NHLRC3: variants seen among roughly 807,000 people sequenced by gnomAD.
NHLRC3 encodes NHL repeat containing 3.
Under a neutral mutation model 32.0 loss-of-function variants are expected in NHLRC3, and 23 were observed. The observed-to-expected ratio is 0.72, with a 90% confidence interval of 0.52 to 1.02. The LOEUF (loss-of-function observed/expected upper bound fraction) is 1.02, where lower values mean the gene tolerates loss of function less well. NHLRC3 is among the 50% of genes least tolerant of loss of function. The pLI is 0.00. For synonymous variants in NHLRC3, 159 were observed against 147.9 expected, an observed-to-expected ratio of 1.08 and a Z score of -0.55; for missense variants, 407 against 406.8, an observed-to-expected ratio of 1.00 and a Z score of -0.01.
rs917511020 is a variant in NHLRC3 at position 39,046,053 on chromosome 13, G to C, written c.679-987G>C. On this transcript the variant is annotated intron_variant, in intron 5 of 6. Transcript: ENST00000379600. ...AGTCATCAAAAACCATTTCCTGCCG[G>C]GTGCGGTGGCTCACGCTTGTAATCC... Among the ~76,000 whole-genome samples the C allele has an allele frequency of 1.1e-4, 17 of 152,256 alleles. 1 individual carries two copies. Among genetic ancestry groups the C allele is most frequent in the Admixed American group, 9.1e-4 (14 of 15,302 alleles).
intron 5 of NHLRC3, 48 bp downstream of exon 5, chr13:39,044,229 TTGTGTGTGTGTGTG>T (rs370553701): frequency 1.6e-5 from 14 of 859,150 alleles, no homozygotes; most frequent in Middle Eastern, 2.4e-4. Flanking sequence ...CTGAATATGT[TTGTGTGTGTGTGTG>T]TGTGTGTGTG....
intron 4 of NHLRC3, among the ~76,000 whole-genome samples, chr13:39,042,595 C>T (rs888968511): frequency 6.6e-6 from 1 of 152,166 alleles, no homozygotes; most frequent in Admixed American, 6.5e-5. Context: ...TTTAATTAAG[C>T]ATGTAGAAAT....
Position 39,039,222 on chromosome 13 carries a change from A to G in NHLRC3, c.171A>G (p.Glu57=), listed in dbSNP as rs2138148700. The change falls in exon 2 of 7, where the codon GAA becomes GAG. Residue 57 remains glutamate, a synonymous_variant. Transcript: ENST00000379600. ...RLDVGWPKHP[E]YFTGTTFCVA... is the part of the protein sequence containing the mutation. ...ATGTGGGTTGGCCTAAGCACCCAGA[A>G]TATTTTACCGGAACAACATTTTGTG... 2 of 1,614,064 alleles carry G rather than the reference A, an allele frequency of 1.2e-6. No homozygotes were observed. The highest frequency in any genetic ancestry group is 4.5e-5 in the East Asian group (2 of 44,878).
In NHLRC3 at chr13:39,049,897, T is replaced by TA. The variant is rs1248709086; in HGVS notation, c.*1975dup. The TA allele has an allele frequency of 6.6e-6, 1 of 152,264 alleles. No individual in the cohort carries two copies. Among genetic ancestry groups the TA allele is most frequent in the Non-Finnish European group, 1.5e-5 (1 of 68,044 alleles). The allele number at this position is 152,264 out of a possible 1,614,324, so 9.4% of individuals were successfully genotyped here. A position where few individuals can be genotyped will look rare whatever the true frequency, so the allele number is the denominator to read the frequency against. On this transcript the variant is annotated 3_prime_UTR_variant, in exon 7 of 7. Transcript: ENST00000379600. ...TACTTTGTTTTATATCAGAGTCTTA[T>TA]AAAACCTGCTGCAAATATTTCTGAA...
intron 1 of NHLRC3, 21 bp downstream of exon 1, chr13:39,038,744 A>G: frequency 6.3e-7 from 1 of 1,596,278 alleles, no homozygotes; most frequent in Non-Finnish European, 8.6e-7. Flanking sequence ...TAGTGAGGAA[A>G]TGACTGTCGG....
In NHLRC3 at chr13:39,050,041, T is replaced by C. The variant is rs2138161244; in HGVS notation, c.*2115T>C. 1 of 152,356 alleles carries C rather than the reference T, an allele frequency of 6.6e-6. No homozygotes were observed. The highest frequency in any genetic ancestry group is 1.5e-5 in the Non-Finnish European group (1 of 68,034). The allele number at this position is 152,356 out of a possible 1,614,324, so 9.4% of individuals were successfully genotyped here. ...ATGTTTTTTACTAAAAAGTATAAAT[T>C]AAAATTTTGGAAAGAAAAGGCAATA... On this transcript the variant is annotated 3_prime_UTR_variant, in exon 7 of 7. Coordinates refer to ENST00000379600, the MANE Select transcript of NHLRC3 (RefSeq NM_001012754.4).
intron 5 of NHLRC3, 39 bp from the exon 6 acceptor site, chr13:39,047,001 A>G (rs1346589341): frequency 7.4e-6 from 9 of 1,210,888 alleles, no homozygotes; most frequent in Non-Finnish European, 1.1e-5. Context: ...TTTTCTTCTC[A>G]TGGATATTTT....
chr13:39,039,509 C>G (rs1871366794), intron 2 of NHLRC3, 55 bp from the exon 3 acceptor site: 1 of 1,441,666 alleles, frequency 6.9e-7, no homozygotes, highest in African/African-American at 1.4e-5. Flanking sequence ...CGCCAAGATA[C>G]AGATTACCTT....
Position 39,038,524 on chromosome 13 carries a change from G to T in NHLRC3, c.-116G>T. On this transcript the variant is annotated 5_prime_UTR_variant, in exon 1 of 7. The change creates a new upstream start codon in the 5' untranslated region. Transcript: ENST00000379600. Reference sequence around the variant, plus strand: ...ATCCAGGGAGGGGAAACCGGAGATAGGGTCTTCGGGCCCCGGGCAGACCCT... The same window carrying T: ...ATCCAGGGAGGGGAAACCGGAGATATGGTCTTCGGGCCCCGGGCAGACCCT... The T allele has an allele frequency of 1.2e-6, 1 of 816,644 alleles. No homozygotes were observed. Among genetic ancestry groups the T allele is most frequent in the South Asian group, 1.4e-5 (1 of 71,052 alleles). 50.6% of individuals were successfully genotyped at this position (816,644 alleles called of 1,614,324 possible). A position where few individuals can be genotyped will look rare whatever the true frequency, so the allele number is the denominator to read the frequency against.
At position 39,044,189 on chromosome 13, in the gene NHLRC3, T is replaced by TA. The variant is rs763859672; in HGVS notation, c.678+9dup. 5.7e-6 allele frequency: 9 copies of TA among 1,576,050 alleles called. No individual in the cohort carries two copies. The highest frequency in any genetic ancestry group is 7.9e-6 in the Non-Finnish European group (9 of 1,145,594). ...CTTGATTCAGCTGGTCGGGTACAAA[T>TA]ACAGCGTCATTGTGTCTGGGACTTT... is the stretch of plus-strand genomic sequence containing the variant. On this transcript the variant is annotated intron_variant, in intron 5 of 6. Coordinates refer to ENST00000379600, the MANE Select transcript of NHLRC3 (RefSeq NM_001012754.4).
Position 39,042,201 on chromosome 13 carries a change from T to C in NHLRC3, c.482T>C (p.Leu161Ser). The C allele has an allele frequency of 6.2e-7, 1 of 1,611,022 alleles. No individual in the cohort carries two copies. Among genetic ancestry groups the C allele is most frequent in the Non-Finnish European group, 8.5e-7 (1 of 1,177,258 alleles). Residue 161 changes from leucine (L) to serine (S), a missense_variant, in exon 4 of 7, where the codon TTG (leucine) becomes TCG (serine). By Grantham distance (145) the Leu-to-Ser change is moderately radical (BLOSUM62 -2). Coordinates refer to ENST00000379600, the MANE Select transcript of NHLRC3 (RefSeq NM_001012754.4). ...PGKKGTSLNPLQFDNPAELYV... is the reference protein window; with the variant it reads ...PGKKGTSLNPSQFDNPAELYV... ...AAAAAAGGCACTAGTTTGAATCCTT[T>C]GCAGTTTGATAACCCAGCAGAATTA...
rs892349264 is a variant in NHLRC3, at chr13:39,038,732, G to C, written c.84+9G>C. On this transcript the variant is annotated intron_variant, in intron 1 of 6. Transcript: ENST00000379600. Reference sequence around the variant, plus strand: ...GTTTTTGTGGCTCTCCAGTGAGTTGGGTAGTGAGGAAATGACTGTCGGGTG... The same window carrying C: ...GTTTTTGTGGCTCTCCAGTGAGTTGCGTAGTGAGGAAATGACTGTCGGGTG... 1 of 1,610,012 alleles carries C rather than the reference G, an allele frequency of 6.2e-7. No individual in the cohort carries two copies. Among genetic ancestry groups the C allele is most frequent in the Admixed American group, 1.7e-5 (1 of 59,994 alleles).
chr13:39,047,178 T>C, intron 6 of NHLRC3, 26 bp downstream of exon 6: 1 of 1,378,446 alleles, frequency 7.3e-7, no homozygotes, highest in Non-Finnish European at 1.0e-6. Flanking sequence ...TATTGCAAAA[T>C]GCTTGTTTTA....
rs1566033776 is a variant in NHLRC3, at chr13:39,044,147, T to TA, written c.645dup (p.Pro216ThrfsTer7). The TA allele has an allele frequency of 1.2e-6, 2 of 1,613,550 alleles. No homozygotes were observed. The highest frequency in any genetic ancestry group is 2.2e-5 in the South Asian group (2 of 91,064). ...GGGACAGGGCCTGCTAAGTTCAACA[T>TA]ACCTCACAGTGTTACACTTGATTCA... On this transcript the variant is annotated frameshift_variant, in exon 5 of 7. Coordinates refer to ENST00000379600, the MANE Select transcript of NHLRC3 (RefSeq NM_001012754.4). LOFTEE classifies it high-confidence loss of function.
At position 39,039,136 on chromosome 13, in the gene NHLRC3, G is replaced by A; in HGVS notation, c.85G>A (p.Val29Ile). 3 of 1,563,720 alleles carry A rather than the reference G, an allele frequency of 1.9e-6. No homozygotes were observed. The highest frequency in any genetic ancestry group is 2.6e-6 in the Non-Finnish European group (3 of 1,148,370). Reference sequence around the variant, plus strand: ...TCTGAATTGTCTGATTTTGTTTAAGGTTTTGAGGAACTTTACTTTTGCAGT... The same window carrying A: ...TCTGAATTGTCTGATTTTGTTTAAGATTTTGAGGAACTTTACTTTTGCAGT... ...VLHSRFCGSP[V>I]LRNFTFAVSW... is the part of the protein sequence containing the mutation. The change falls in exon 2 of 7, where the codon GTT (valine) becomes ATT (isoleucine). Residue 29 changes from valine (V) to isoleucine (I), a missense_variant and splice_region_variant. Physicochemically the swap from Val to Ile is conservative, Grantham distance 29 (BLOSUM62 3). Transcript: ENST00000379600.
rs1871751725 is a variant in NHLRC3, at chr13:39,047,935, T to C, written c.*9T>C. On this transcript the variant is annotated 3_prime_UTR_variant, in exon 7 of 7. Coordinates refer to ENST00000379600, the MANE Select transcript of NHLRC3 (RefSeq NM_001012754.4). Reference sequence around the variant, plus strand: ...CTTCATTTGGTTCATAATGTTTCTTTCCTGGGAATATTTCAAGTGGCAGTT... The same window carrying C: ...CTTCATTTGGTTCATAATGTTTCTTCCCTGGGAATATTTCAAGTGGCAGTT... 6.3e-7 allele frequency: 1 copy of C among 1,586,524 alleles called. No individual in the cohort carries two copies. The highest frequency in any genetic ancestry group is 8.6e-7 in the Non-Finnish European group (1 of 1,158,688).
chr13:39,049,135 C>A lies in NHLRC3; in HGVS notation c.*1209C>A, dbSNP rs2138160252. 6.6e-6 allele frequency: 1 copy of A among 152,416 alleles called. No individual in the cohort carries two copies. The highest frequency in any genetic ancestry group is 2.1e-4 in the South Asian group (1 of 4,818). 9.4% of individuals were successfully genotyped at this position (152,416 alleles called of 1,614,324 possible). On this transcript the variant is annotated 3_prime_UTR_variant, in exon 7 of 7. Transcript: ENST00000379600. ...TGTAATCTTTCAAATCATTCTTCACCCTTCCTCACATCAGCTTCCTGCTTT... is the reference window on the plus strand; with the variant it reads ...TGTAATCTTTCAAATCATTCTTCACACTTCCTCACATCAGCTTCCTGCTTT...
intron 4 of NHLRC3, 37 bp from the exon 5 acceptor site, chr13:39,044,053 A>G (rs199811504): frequency 2.2e-6 from 3 of 1,373,820 alleles, no homozygotes; most frequent in South Asian, 1.2e-5. Flanking sequence ...GAGACATTCT[A>G]TATGTTGCTC....
chr13:39,038,573 G>T lies in NHLRC3; in HGVS notation c.-67G>T. ...CTCTGTGCCGCTGCAAACCGTTGCA[G>T]CCTGAGGCTGTCAGGTCCTCCCCCA... On this transcript the variant is annotated 5_prime_UTR_variant, in exon 1 of 7. Transcript: ENST00000379600. 2 of 1,379,318 alleles carry T rather than the reference G, an allele frequency of 1.4e-6. No homozygotes were observed. The highest frequency in any genetic ancestry group is 1.7e-5 in the Admixed American group (1 of 59,732). 85.4% of individuals were successfully genotyped at this position (1,379,318 alleles called of 1,614,324 possible).
Sources: allele counts gnomAD v4.1 joint callset (sites outside exome capture counted in the v4.1 genomes callset), GRCh38; gene constraint gnomAD v4.1.1; transcripts MANE v1.5; gene names NCBI Gene and HGNC (gene_info 2026-07-23, HGNC 2026-07-21).